The following EXOC4 variants were observed in gnomAD, a reference collection of about 807,000 sequenced individuals.
EXOC4 encodes exocyst complex component 4.
In EXOC4, 71 loss-of-function variants were observed where a neutral mutation model predicts 107.2. That is an observed-to-expected ratio of 0.66 (90% CI 0.55 to 0.81). The LOEUF (loss-of-function observed/expected upper bound fraction) is 0.81, where lower values mean the gene tolerates loss of function less well. Among genes scored for constraint, EXOC4 ranks in the 30% least tolerant of loss-of-function variants. EXOC4 has a pLI of 0.00. For synonymous variants in EXOC4, 456 were observed against 441.2 expected, an observed-to-expected ratio of 1.03 and a Z score of -0.42; for missense variants, 1,108 against 1,189.6, an observed-to-expected ratio of 0.93 and a Z score of 1.01.
At position 133,922,297 on chromosome 7, in the gene EXOC4, G is replaced by A. The variant is rs545686116; in HGVS notation, c.2027+4559G>A. ...GAACATAGCAACAAAGTGCCTTCTC[G>A]TCCTCCTTCTTTCTAGTTACTGCCT... On this transcript the variant is annotated intron_variant, in intron 13 of 17. Coordinates refer to ENST00000253861, the MANE Select transcript of EXOC4 (RefSeq NM_021807.4). Among the ~76,000 whole-genome samples the A allele has an allele frequency of 5.3e-5, 8 of 152,150 alleles. No individual in the cohort carries two copies. In the East Asian group the frequency reaches 9.7e-4, roughly 18 times the overall value.
At chr7:133,864,612 A>T (rs1031611646) in intron 11 of EXOC4, among the ~76,000 whole-genome samples, 3 of 152,214 alleles carry the variant, frequency 2.0e-5, no homozygotes, top group Middle Eastern at 3.2e-3. Context: ...TACGACATTT[A>T]CATTCAAATT....
chr7:133,437,091 C>A (rs767375074), intron 7 of EXOC4, among the ~76,000 whole-genome samples: 15 of 151,980 alleles, frequency 9.9e-5, no homozygotes, highest in Non-Finnish European at 1.9e-4. Flanking sequence ...TTTTTGATTT[C>A]TTTTTAAATT....
intron 9 of EXOC4, among the ~76,000 whole-genome samples, chr7:133,574,193 GTGTA>G (rs1251963279): frequency 6.6e-6 from 1 of 152,078 alleles, no homozygotes; most frequent in Non-Finnish European, 1.5e-5. Context: ...GAGAGTGTGT[GTGTA>G]TGTTTGTGCA....
At chr7:133,956,918 C>CAG (rs1350154939) in intron 14 of EXOC4, among the ~76,000 whole-genome samples, 3 of 151,896 alleles carry the variant, frequency 2.0e-5, no homozygotes, top group Non-Finnish European at 1.5e-5. Flanking sequence ...TTGGCCTGTA[C>CAG]AGAGAGCATG....
intron 9 of EXOC4, among the ~76,000 whole-genome samples, chr7:133,598,026 GA>G (rs939474940): frequency 1.4e-3 from 210 of 146,076 alleles, no homozygotes; most frequent in African/African-American, 5.1e-3. Context: ...CTCAAATAAA[GA>G]AAAAAAAAAG....
intron 9 of EXOC4, among the ~76,000 whole-genome samples, chr7:133,504,921 G>A (rs1799640807): frequency 6.6e-6 from 1 of 152,020 alleles, no homozygotes; most frequent in African/African-American, 2.4e-5. Flanking sequence ...ATTTTTGTGA[G>A]CATGAAAGTA....
At chr7:133,478,507 A>G (rs1799074410) in intron 8 of EXOC4, among the ~76,000 whole-genome samples, 1 of 152,166 alleles carries the variant, frequency 6.6e-6, no homozygotes. Flanking sequence ...TCTGGATATA[A>G]ACTAAGGAGG....
intron 11 of EXOC4, among the ~76,000 whole-genome samples, chr7:133,888,951 G>C (rs1286943739): frequency 2.0e-5 from 3 of 152,186 alleles, no homozygotes; most frequent in African/African-American, 7.2e-5. Flanking sequence ...CTTTGCACTT[G>C]TAAGAACCCT....
intron 7 of EXOC4, among the ~76,000 whole-genome samples, chr7:133,401,651 T>TA (rs11387586): frequency 0.29 from 40,929 of 141,062 alleles, 6,015 homozygotes; most frequent in South Asian, 0.41. Context: ...GACCCTGTCT[T>TA]AAAAAAAAAA....
intron 17 of EXOC4, among the ~76,000 whole-genome samples, chr7:134,026,149 G>C (rs1795132276): frequency 6.6e-6 from 1 of 152,058 alleles, no homozygotes; most frequent in Non-Finnish European, 1.5e-5. Flanking sequence ...CTTTAGGCTT[G>C]CTTTAACCAA....
chr7:133,714,737 A>G (rs1200221464), intron 10 of EXOC4, among the ~76,000 whole-genome samples: 3 of 152,212 alleles, frequency 2.0e-5, no homozygotes, highest in Admixed American at 6.5e-5. Flanking sequence ...TTACATGCCA[A>G]TACTACATCA....
At chr7:133,525,346 T>C (rs1336400250) in intron 9 of EXOC4, among the ~76,000 whole-genome samples, 1 of 152,212 alleles carries the variant, frequency 6.6e-6, no homozygotes, top group Non-Finnish European at 1.5e-5. Context: ...ACTTAGGTTT[T>C]ATTGTAATTT....
chr7:133,718,537 A>G lies in EXOC4; in HGVS notation c.1514+88396A>G, dbSNP rs11979830. Among the ~76,000 whole-genome samples, 1,324 of 152,264 alleles carry G rather than the reference A, an allele frequency of 8.7e-3. 26 individuals carry two copies. Among genetic ancestry groups the G allele is most frequent in the African/African-American group, 0.029 (1,216 of 41,544 alleles). ...ACACTGGGTCAGCTCTGGGGTCACT[A>G]TCAGATAATCCTGCTTCTTGCACTA... is the stretch of plus-strand genomic sequence containing the variant. On this transcript the variant is annotated intron_variant, in intron 10 of 17. Transcript: ENST00000253861.
intron 9 of EXOC4, among the ~76,000 whole-genome samples, chr7:133,572,634 A>C (rs1166498083): frequency 6.6e-6 from 1 of 152,174 alleles, no homozygotes. Context: ...CATAAAAATA[A>C]TTCCTTCCAG....
At chr7:133,405,562 G>C (rs780386771) in intron 7 of EXOC4, among the ~76,000 whole-genome samples, 31 of 152,126 alleles carry the variant, frequency 2.0e-4, no homozygotes, top group South Asian at 2.1e-4. Flanking sequence ...TAGTAAACAG[G>C]AAGGAATTGC....
At chr7:133,715,757 C>T (rs1794986897) in intron 10 of EXOC4, among the ~76,000 whole-genome samples, 1 of 152,018 alleles carries the variant, frequency 6.6e-6, no homozygotes, top group African/African-American at 2.4e-5. Flanking sequence ...TAGAGGCTTT[C>T]AGAGAGAGAA....
chr7:134,073,205 C>CAAAAAAAAAA, the EXOC4 span, among the ~76,000 whole-genome samples: 107 of 22,580 alleles, frequency 4.7e-3, 16 homozygotes, highest in African/African-American at 0.013. Flanking sequence ...GACTTCCTCT[C>CAAAAAAAAAA]AAAAAAAAAA....
At chr7:133,803,344 G>A (rs993975160) in intron 10 of EXOC4, among the ~76,000 whole-genome samples, 3 of 152,148 alleles carry the variant, frequency 2.0e-5, no homozygotes, top group African/African-American at 7.2e-5. Context: ...TTATACTGGA[G>A]TTTTGTTGTT....
chr7:133,485,975 C>G (rs1423878503), intron 9 of EXOC4, among the ~76,000 whole-genome samples: 1 of 151,940 alleles, frequency 6.6e-6, no homozygotes, highest in African/African-American at 2.4e-5. Flanking sequence ...CTCGGGGCTA[C>G]TTAATACTTT....
Sources: allele counts gnomAD v4.1 joint callset (sites outside exome capture counted in the v4.1 genomes callset), GRCh38; gene constraint gnomAD v4.1.1; transcripts MANE v1.5; gene names NCBI Gene and HGNC (gene_info 2026-07-23, HGNC 2026-07-21).